DPP10: variants seen among roughly 807,000 people sequenced by gnomAD.
The protein encoded by DPP10 is dipeptidyl peptidase like 10.
DPP10 carries 33 observed loss-of-function variants against 120.9 expected under a neutral mutation model. That is an observed-to-expected ratio of 0.27 (90% CI 0.21 to 0.37). The LOEUF is 0.37. Among genes scored for constraint, DPP10 ranks in the 10% least tolerant of loss-of-function variants. The pLI is 1.00. For missense variants in DPP10, 816 were observed against 942.8 expected (o/e 0.87, Z 1.76); for synonymous variants, 337 against 326.1 (o/e 1.03, Z -0.36).
At chr2:114,538,700 T>C (rs375396465) in intron 1 of DPP10, among the ~76,000 whole-genome samples, 1 of 152,180 alleles carries the variant, frequency 6.6e-6, no homozygotes, top group Non-Finnish European at 1.5e-5. Flanking sequence ...GATTTATTTA[T>C]TGTTCTTGCT....
chr2:115,087,630 C>T (rs867877521), intron 1 of DPP10, among the ~76,000 whole-genome samples: 5 of 138,774 alleles, frequency 3.6e-5, no homozygotes, highest in African/African-American at 7.5e-5. Flanking sequence ...CTCGGCTCAC[C>T]GCAACCTCTG....
At chr2:115,137,020 C>A (rs558342533) in intron 1 of DPP10, among the ~76,000 whole-genome samples, 3 of 152,190 alleles carry the variant, frequency 2.0e-5, no homozygotes, top group Non-Finnish European at 4.4e-5. Context: ...CTTGAATAGT[C>A]CAGATGACTT....
At chr2:115,175,853 TAC>T (rs2053650331) in intron 1 of DPP10, among the ~76,000 whole-genome samples, 1 of 152,262 alleles carries the variant, frequency 6.6e-6, no homozygotes, top group Non-Finnish European at 1.5e-5. Flanking sequence ...TGGCTAGGGC[TAC>T]TATATATTAG....
chr2:115,262,357 AAT>A (rs1323693405), intron 1 of DPP10, among the ~76,000 whole-genome samples: 2 of 151,944 alleles, frequency 1.3e-5, no homozygotes, highest in Non-Finnish European at 2.9e-5. Context: ...TCATTATTTT[AAT>A]ATGTTTACTA....
chr2:115,676,056 A>T (rs2090228860), intron 5 of DPP10, among the ~76,000 whole-genome samples: 1 of 152,166 alleles, frequency 6.6e-6, no homozygotes, highest in Non-Finnish European at 1.5e-5. Context: ...GAGAAAGCTG[A>T]CATGCATATT....
intron 5 of DPP10, among the ~76,000 whole-genome samples, chr2:115,594,828 A>G (rs2082891398): frequency 6.6e-6 from 1 of 152,170 alleles, no homozygotes. Context: ...GTGGCATACA[A>G]AAATTTATCA....
intron 1 of DPP10, among the ~76,000 whole-genome samples, chr2:114,667,081 T>C (rs186980592): frequency 1.3e-5 from 2 of 152,268 alleles, no homozygotes; most frequent in East Asian, 3.9e-4. Context: ...ACTATGCAAA[T>C]GTGTGAGTGT....
intron 1 of DPP10, among the ~76,000 whole-genome samples, chr2:114,667,790 A>G (rs190477877): frequency 6.6e-6 from 1 of 152,322 alleles, no homozygotes; most frequent in East Asian, 1.9e-4. Context: ...TAAGAATGCA[A>G]TCTAAGTTTA....
At chr2:115,468,666 C>A (rs1311678438) in intron 3 of DPP10, 1 of 349,668 alleles carries the variant, frequency 2.9e-6, no homozygotes, top group South Asian at 2.4e-5. Context: ...CTACAGAGAT[C>A]CTGAAGGATT....
intron 1 of DPP10, among the ~76,000 whole-genome samples, chr2:114,929,342 A>G (rs1695890337): frequency 6.6e-6 from 1 of 152,302 alleles, no homozygotes; most frequent in East Asian, 1.9e-4. Context: ...CAGCCTGACT[A>G]GAATTCGCCA....
chr2:114,534,125 AT>A (rs1686282879), intron 1 of DPP10, among the ~76,000 whole-genome samples: 1 of 152,058 alleles, frequency 6.6e-6, no homozygotes, highest in African/African-American at 2.4e-5. Flanking sequence ...TATTATTTGA[AT>A]TTCTAAGAAC....
At chr2:115,111,064 G>T (rs891563570) in intron 1 of DPP10, among the ~76,000 whole-genome samples, 5 of 152,114 alleles carry the variant, frequency 3.3e-5, no homozygotes, top group Non-Finnish European at 7.4e-5. Flanking sequence ...AAACTGTGGA[G>T]AAGGAAACGC....
Position 115,842,310 on chromosome 2 carries a change from T to C in DPP10, c.2356T>C (p.Ser786Pro), listed in dbSNP as rs1237796927. 5.0e-6 allele frequency: 8 copies of C among 1,613,984 alleles called. No homozygotes were observed. The highest frequency in any genetic ancestry group is 6.8e-6 in the Non-Finnish European group (8 of 1,179,926). ...CAGTGATTGTTTGAAGGAAGAAATA[T>C]CTGTGCTACCACAGGAACCAGAAGA... ...FFSDCLKEEI[S>P]VLPQEPEEDE is the part of the protein sequence containing the mutation. The change falls in exon 26 of 26, where the codon TCT becomes CCT. Residue 786 changes from serine (S) to proline (P), a missense_variant. Transcript: ENST00000410059.
Position 115,274,210 on chromosome 2 carries a change from A to G in DPP10, c.61-35029A>G, listed in dbSNP as rs78785501. Among the ~76,000 whole-genome samples the G allele has an allele frequency of 1.7e-3, 256 of 152,276 alleles. 8 individuals are homozygous for G. The East Asian group carries it at 0.046, about 27-fold the overall frequency. ...ATAATCTTATTATATAAATGATAGA[A>G]CTATACTTGAGAATACAGCCTGATT... On this transcript the variant is annotated intron_variant, in intron 1 of 25. Coordinates refer to ENST00000410059, the MANE Select transcript of DPP10 (RefSeq NM_020868.6).
intron 1 of DPP10, among the ~76,000 whole-genome samples, chr2:114,662,073 C>CTA (rs35583093): frequency 6.6e-6 from 1 of 151,992 alleles, no homozygotes; most frequent in African/African-American, 2.4e-5. Context: ...CCGGCTGCCC[C>CTA]TCCCTCTGCT....
At chr2:114,834,538 G>T (rs994220633) in intron 1 of DPP10, among the ~76,000 whole-genome samples, 1 of 150,394 alleles carries the variant, frequency 6.6e-6, no homozygotes. Context: ...ACGCACCTAT[G>T]TATATATAAG....
intron 1 of DPP10, among the ~76,000 whole-genome samples, chr2:115,207,747 C>A (rs11891665): frequency 2.6e-5 from 4 of 151,028 alleles, no homozygotes; most frequent in Admixed American, 2.6e-4. Flanking sequence ...AGTTTGTAAC[C>A]GAATTGAATT....
At chr2:114,740,250 T>C (rs952125970) in intron 1 of DPP10, among the ~76,000 whole-genome samples, 9 of 150,794 alleles carry the variant, frequency 6.0e-5, no homozygotes, top group African/African-American at 2.2e-4. Context: ...AGTAAACTAT[T>C]GTAAGGACAA....
At chr2:114,804,631 A>G (rs1372801636) in intron 1 of DPP10, among the ~76,000 whole-genome samples, 1 of 152,158 alleles carries the variant, frequency 6.6e-6, no homozygotes, top group Non-Finnish European at 1.5e-5. Context: ...TGGATTTCAG[A>G]CTTGCACGGG....
Sources: allele counts gnomAD v4.1 joint callset (sites outside exome capture counted in the v4.1 genomes callset), GRCh38; gene constraint gnomAD v4.1.1; transcripts MANE v1.5; gene names NCBI Gene and HGNC (gene_info 2026-07-23, HGNC 2026-07-21).